Variants in TNFRSF17 observed in about 807,000 individuals in gnomAD.
TNFRSF17 encodes the protein tumor necrosis factor receptor superfamily member 17.
A neutral mutation model predicts 9.9 loss-of-function variants in TNFRSF17; 13 were observed. The observed-to-expected ratio is 1.31, with a 90% CI of 0.85 to 2.08. TNFRSF17 has a LOEUF of 2.08. TNFRSF17 is among the 30% of genes most tolerant of loss of function. The probability of loss-of-function intolerance (pLI) is 0.00; values close to 1 mark genes in which losing one functional copy is unlikely to be tolerated. For missense variants in TNFRSF17, 305 were observed against 225.8 expected, an observed-to-expected ratio of 1.35 and a Z score of -2.25; for synonymous variants, 99 against 83.7, an observed-to-expected ratio of 1.18 and a Z score of -1.00.
intron 1 of TNFRSF17, 104 bp downstream of exon 1, chr16:11,965,558 T>C: frequency 2.4e-6 from 3 of 1,239,980 alleles, no homozygotes; most frequent in Non-Finnish European, 3.3e-6. Context: ...GTGAGTTTTC[T>C]TGAATCAAAA....
At position 11,967,757 on chromosome 16, in the gene TNFRSF17, T is replaced by G; in HGVS notation, c.465T>G (p.Ile155Met). The G allele has an allele frequency of 1.2e-6, 2 of 1,614,162 alleles. No homozygotes were observed. Among genetic ancestry groups the G allele is most frequent in the African/African-American group, 2.7e-5 (2 of 75,034 alleles). Residue 155 changes from isoleucine (I) to methionine (M), a missense_variant, in exon 3 of 3, where the codon ATT becomes ATG. Ile to Met is a conservative substitution (Grantham distance 10, BLOSUM62 1). Coordinates refer to ENST00000053243, the MANE Select transcript of TNFRSF17 (RefSeq NM_001192.3). ...CAGCTATGGAGGAAGGCGCAACCAT[T>G]CTTGTCACCACGAAAACGAATGACT... is the stretch of plus-strand genomic sequence containing the variant. ...PLPAMEEGAT[I>M]LVTTKTNDYC...
rs2150941924 is a variant in TNFRSF17 at position 11,967,646 on chromosome 16, C to A, written c.354C>A (p.Gly118=). The A allele has an allele frequency of 1.2e-6, 2 of 1,614,148 alleles. No individual in the cohort carries two copies. Among genetic ancestry groups the A allele is most frequent in the Non-Finnish European group, 8.5e-7 (1 of 1,180,006 alleles). The part of the protein sequence containing the change: ...RTGDEIILPR[G]LEYTVEECTC... ...GTGATGAAATTATTCTTCCGAGAGGCCTCGAGTACACGGTGGAAGAATGCA... is the reference window on the plus strand; with the variant it reads ...GTGATGAAATTATTCTTCCGAGAGGACTCGAGTACACGGTGGAAGAATGCA... The change falls in exon 3 of 3, where the codon GGC becomes GGA. Residue 118 remains glycine (G), a synonymous_variant. Coordinates refer to ENST00000053243, the MANE Select transcript of TNFRSF17 (RefSeq NM_001192.3).
chr16:11,967,483 C>A, intron 2 of TNFRSF17, 87 bp from the exon 3 acceptor site: 1 of 1,358,128 alleles, frequency 7.4e-7, no homozygotes, highest in Non-Finnish European at 1.0e-6. Context: ...TCTCACATTG[C>A]TTTGAGTCCC....
chr16:11,967,897 T>C lies in TNFRSF17; in HGVS notation c.*50T>C, dbSNP rs750763067. On this transcript the variant is annotated 3_prime_UTR_variant, in exon 3 of 3. Transcript: ENST00000053243. Reference sequence around the variant, plus strand: ...CCACTTTAAAAATCTTTTGTCAGAATAGATGATGTGTCAGATCTCTTTAGG... The same window carrying C: ...CCACTTTAAAAATCTTTTGTCAGAACAGATGATGTGTCAGATCTCTTTAGG... 1.3e-5 allele frequency: 21 copies of C among 1,583,448 alleles called. No homozygotes were observed. The highest frequency in any genetic ancestry group is 1.4e-5 in the Non-Finnish European group (16 of 1,163,276).
intron 1 of TNFRSF17, among the ~76,000 whole-genome samples, 182 bp downstream of exon 1, chr16:11,965,636 G>T (rs1486904153): frequency 6.6e-6 from 1 of 152,100 alleles, no homozygotes; most frequent in African/African-American, 2.4e-5. Flanking sequence ...AACTGAACTT[G>T]ATATGATTCA....
In TNFRSF17 at chr16:11,965,317, T is replaced by G; in HGVS notation, c.-8T>G. ...TTTCTGTAGCTCCCTTGTTTTCTTT[T>G]TGTGATCATGTTGCAGATGGCTGGG... On this transcript the variant is annotated 5_prime_UTR_variant, in exon 1 of 3. Coordinates refer to ENST00000053243, the MANE Select transcript of TNFRSF17 (RefSeq NM_001192.3). The G allele has an allele frequency of 6.2e-7, 1 of 1,614,150 alleles. No individual in the cohort carries two copies. Among genetic ancestry groups the G allele is most frequent in the Non-Finnish European group, 8.5e-7 (1 of 1,179,980 alleles).
Position 11,965,318 on chromosome 16 carries a change from T to A in TNFRSF17, c.-7T>A. The A allele has an allele frequency of 6.2e-7, 1 of 1,614,166 alleles. No homozygotes were observed. Among genetic ancestry groups the A allele is most frequent in the Non-Finnish European group, 8.5e-7 (1 of 1,179,980 alleles). ...TTCTGTAGCTCCCTTGTTTTCTTTTTGTGATCATGTTGCAGATGGCTGGGC... is the reference window on the plus strand; with the variant it reads ...TTCTGTAGCTCCCTTGTTTTCTTTTAGTGATCATGTTGCAGATGGCTGGGC... On this transcript the variant is annotated 5_prime_UTR_variant, in exon 1 of 3. Coordinates refer to ENST00000053243, the MANE Select transcript of TNFRSF17 (RefSeq NM_001192.3).
Position 11,967,942 on chromosome 16 carries a change from G to A in TNFRSF17, c.*95G>A. 7.2e-7 allele frequency: 1 copy of A among 1,386,510 alleles called. No homozygotes were observed. The highest frequency in any genetic ancestry group is 9.7e-7 in the Non-Finnish European group (1 of 1,026,256). The allele number at this position is 1,386,510 out of a possible 1,614,324, so 85.9% of individuals were successfully genotyped here. On this transcript the variant is annotated 3_prime_UTR_variant, in exon 3 of 3. Coordinates refer to ENST00000053243, the MANE Select transcript of TNFRSF17 (RefSeq NM_001192.3). ...TTTAGGATGACTGTATTTTTCAGTT[G>A]CCGATACAGCTTTTTGTCCTCTAAC... is the stretch of plus-strand genomic sequence containing the variant.
chr16:11,965,542 A>G, intron 1 of TNFRSF17, 88 bp downstream of exon 1: 1 of 1,354,168 alleles, frequency 7.4e-7, no homozygotes, highest in Non-Finnish European at 1.0e-6. Flanking sequence ...CATAATGGGC[A>G]TGATGGTGAG....
chr16:11,967,711 C>G lies in TNFRSF17; in HGVS notation c.419C>G (p.Ser140Cys). 2 of 1,614,206 alleles carry G rather than the reference C, an allele frequency of 1.2e-6. No individual in the cohort carries two copies. The highest frequency in any genetic ancestry group is 1.6e-4 in the Middle Eastern group (1 of 6,062). The change falls in exon 3 of 3, where the codon TCT becomes TGT. Residue 140 changes from serine (S) to cysteine (C), a missense_variant. Coordinates refer to ENST00000053243, the MANE Select transcript of TNFRSF17 (RefSeq NM_001192.3). ...DCIKSKPKVD[S>C]DHCFPLPAME... ...ATCAAGAGCAAACCGAAGGTCGACT[C>G]TGACCATTGCTTTCCACTCCCAGCT...
intron 2 of TNFRSF17, 109 bp from the exon 3 acceptor site, chr16:11,967,461 T>C (rs1466634821): frequency 2.5e-6 from 3 of 1,208,756 alleles, no homozygotes; most frequent in African/African-American, 3.0e-5. Flanking sequence ...CTCTAAAAAA[T>C]GAAAAAATCT....
chr16:11,965,263 G>A lies in TNFRSF17; in HGVS notation c.-62G>A. On this transcript the variant is annotated 5_prime_UTR_variant, in exon 1 of 3. Coordinates refer to ENST00000053243, the MANE Select transcript of TNFRSF17 (RefSeq NM_001192.3). ...CTGCATTTGCTCTGGAATTCTTGTA[G>A]AGATATTACTTGTCCTTCCAGGCTG... The A allele has an allele frequency of 6.3e-7, 1 of 1,598,140 alleles. No homozygotes were observed. The highest frequency in any genetic ancestry group is 8.5e-7 in the Non-Finnish European group (1 of 1,170,342).
At chr16:11,965,698 G>T (rs1031393406) in intron 1 of TNFRSF17, among the ~76,000 whole-genome samples, 2 of 152,082 alleles carry the variant, frequency 1.3e-5, no homozygotes, top group African/African-American at 4.8e-5. Flanking sequence ...CTAATTAAGT[G>T]ATATTTAGAA....
At chr16:11,967,487 G>A (rs181951759) in intron 2 of TNFRSF17, 83 bp from the exon 3 acceptor site, 1 of 1,376,356 alleles carries the variant, frequency 7.3e-7, no homozygotes, top group Admixed American at 2.2e-5. Flanking sequence ...ACATTGCTTT[G>A]AGTCCCGATG....
chr16:11,966,612 A>G (rs2055196260), intron 2 of TNFRSF17, among the ~76,000 whole-genome samples: 2 of 152,202 alleles, frequency 1.3e-5, no homozygotes, highest in African/African-American at 2.4e-5. Flanking sequence ...CTTGGGAAAC[A>G]TCAGTCTCTT....
rs1483929933 is a variant in TNFRSF17 at position 11,967,681 on chromosome 16, A to C, written c.389A>C (p.Asp130Ala). The C allele has an allele frequency of 1.2e-6, 2 of 1,614,146 alleles. No homozygotes were observed. The highest frequency in any genetic ancestry group is 1.1e-5 in the South Asian group (1 of 91,086). Residue 130 changes from aspartate (D) to alanine (A), a missense_variant, in exon 3 of 3, where the codon GAC (aspartate) becomes GCC (alanine). Physicochemically the swap from Asp to Ala is moderately radical, Grantham distance 126 (BLOSUM62 -2). Transcript: ENST00000053243. The part of the protein sequence containing the change: ...EYTVEECTCE[D>A]CIKSKPKVDS... ...ACGGTGGAAGAATGCACCTGTGAAG[A>C]CTGCATCAAGAGCAAACCGAAGGTC...
Position 11,968,058 on chromosome 16 carries a change from T to G in TNFRSF17, c.*211T>G. ...TCCTTGGTTTCATGATTAAACTCTT[T>G]TTTTTCCTGACATCTAAGTTTTTAT... On this transcript the variant is annotated 3_prime_UTR_variant, in exon 3 of 3. Coordinates refer to ENST00000053243, the MANE Select transcript of TNFRSF17 (RefSeq NM_001192.3). The G allele has an allele frequency of 3.6e-6, 2 of 559,752 alleles. No homozygotes were observed. Among genetic ancestry groups the G allele is most frequent in the Non-Finnish European group, 6.1e-6 (2 of 330,230 alleles). The allele number at this position is 559,752 out of a possible 1,614,324, so 34.7% of individuals were successfully genotyped here. A position where few individuals can be genotyped will look rare whatever the true frequency, so the allele number is the denominator to read the frequency against.
intron 1 of TNFRSF17, 31 bp downstream of exon 1, chr16:11,965,485 TG>T (rs1342605475): frequency 6.2e-7 from 1 of 1,611,064 alleles, no homozygotes; most frequent in Non-Finnish European, 8.5e-7. Flanking sequence ...GATTATTCAT[TG>T]GTGTGAACTA....
At chr16:11,967,496 T>A (rs1408742382) in intron 2 of TNFRSF17, 74 bp from the exon 3 acceptor site, 1 of 1,441,534 alleles carries the variant, frequency 6.9e-7, no homozygotes, top group Non-Finnish European at 9.5e-7. Flanking sequence ...TGAGTCCCGA[T>A]GTGTACTGCT....
Sources: allele counts gnomAD v4.1 joint callset (sites outside exome capture counted in the v4.1 genomes callset), GRCh38; gene constraint gnomAD v4.1.1; transcripts MANE v1.5; gene names NCBI Gene and HGNC (gene_info 2026-07-23, HGNC 2026-07-21).